The following SOX5 variants were observed in gnomAD, a reference collection of about 807,000 sequenced individuals.
SOX5 encodes transcription factor SOX-5.
SOX5 carries 9 observed loss-of-function variants against 92.0 expected under a neutral mutation model. The ratio of observed to expected loss-of-function variants is 0.10; its 90% CI spans 0.06 to 0.17. The LOEUF (loss-of-function observed/expected upper bound fraction) is 0.17. Ranked by LOEUF, SOX5 falls within the 10% of genes least tolerant of loss-of-function variation. SOX5 has a pLI of 1.00. For missense variants in SOX5, 642 were observed against 944.5 expected (o/e 0.68, Z 4.20); for synonymous variants, 344 against 336.3 (o/e 1.02, Z -0.25).
intron 2 of SOX5, among the ~76,000 whole-genome samples, chr12:24,293,273 A>T (rs568350304): frequency 2.6e-5 from 4 of 152,362 alleles, no homozygotes; most frequent in African/African-American, 9.6e-5. Context: ...ATATGCCCAC[A>T]TGATCACATT....
At chr12:23,824,746 C>T (rs1171639971) in intron 3 of SOX5, among the ~76,000 whole-genome samples, 1 of 152,188 alleles carries the variant, frequency 6.6e-6, no homozygotes, top group Non-Finnish European at 1.5e-5. Flanking sequence ...ATATAAGCCC[C>T]TCGCTGGGCC....
At chr12:23,736,755 A>G (rs2093613621) in intron 5 of SOX5, among the ~76,000 whole-genome samples, 1 of 144,534 alleles carries the variant, frequency 6.9e-6, no homozygotes, top group Admixed American at 7.1e-5. Context: ...CAATGGCGCG[A>G]TCTCAGCTTA....
At position 23,531,931 on chromosome 12, in the gene SOX5, G is replaced by T. The variant is rs931234914; in HGVS notation, c.*2288C>A. The stretch of plus-strand genomic sequence containing the variant: ...TGTGTGTATATGTGTGTATATATAT[G>T]TATATATATATATACATATACATAC... On this transcript the variant is annotated 3_prime_UTR_variant, in exon 15 of 15. Coordinates refer to ENST00000451604, the MANE Select transcript of SOX5 (RefSeq NM_006940.6). The T allele has an allele frequency of 6.7e-6, 1 of 148,154 alleles. No individual in the cohort carries two copies. Among genetic ancestry groups the T allele is most frequent in the East Asian group, 2.0e-4 (1 of 5,082 alleles). 9.2% of individuals were successfully genotyped at this position (148,154 alleles called of 1,614,324 possible).
chr12:23,929,719 C>T (rs547913611), intron 1 of SOX5, among the ~76,000 whole-genome samples: 3 of 151,878 alleles, frequency 2.0e-5, no homozygotes, highest in East Asian at 1.9e-4. Context: ...TTAAAAAATA[C>T]GTGTTTCCAC....
chr12:24,510,131 A>G (rs983713135), intron 1 of SOX5, among the ~76,000 whole-genome samples: 1 of 152,206 alleles, frequency 6.6e-6, no homozygotes, highest in Non-Finnish European at 1.5e-5. Flanking sequence ...TTTTTCTTAA[A>G]TTAATCTCAC....
At chr12:24,295,422 T>C (rs1169593172) in intron 2 of SOX5, among the ~76,000 whole-genome samples, 1 of 152,196 alleles carries the variant, frequency 6.6e-6, no homozygotes, top group Non-Finnish European at 1.5e-5. Flanking sequence ...CCAAACACTT[T>C]AATCCTGACA....
intron 4 of SOX5, among the ~76,000 whole-genome samples, chr12:23,743,196 A>T (rs2141029914): frequency 6.6e-6 from 1 of 152,324 alleles, no homozygotes; most frequent in South Asian, 2.1e-4. Context: ...TTGTATACTC[A>T]CCTCAATGCA....
intron 14 of SOX5, among the ~76,000 whole-genome samples, chr12:23,534,873 C>T (rs1939960824): frequency 6.6e-6 from 1 of 152,034 alleles, no homozygotes; most frequent in Non-Finnish European, 1.5e-5. Flanking sequence ...CCACACCTGG[C>T]TAGCTTTTGT....
chr12:24,209,245 C>T (rs1469264156), intron 4 of SOX5, among the ~76,000 whole-genome samples: 1 of 152,086 alleles, frequency 6.6e-6, no homozygotes, highest in Non-Finnish European at 1.5e-5. Flanking sequence ...GAATTTCCTC[C>T]ACTGTCTGTG....
At chr12:23,853,888 G>C (rs1460499128) in intron 2 of SOX5, among the ~76,000 whole-genome samples, 2 of 152,002 alleles carry the variant, frequency 1.3e-5, no homozygotes, top group Non-Finnish European at 1.5e-5. Context: ...AACCATAAGA[G>C]GTGTCTAAAC....
chr12:24,215,152 T>C (rs1170194187), intron 3 of SOX5, among the ~76,000 whole-genome samples: 1 of 152,120 alleles, frequency 6.6e-6, no homozygotes, highest in Admixed American at 6.5e-5. Flanking sequence ...ACTATAATAC[T>C]TAATGGCAAA....
At chr12:23,825,547 T>C (rs1434037173) in intron 3 of SOX5, among the ~76,000 whole-genome samples, 1 of 152,192 alleles carries the variant, frequency 6.6e-6, no homozygotes, top group African/African-American at 2.4e-5. Flanking sequence ...CCCCTATTAT[T>C]TTTATTTTAT....
intron 2 of SOX5, among the ~76,000 whole-genome samples, chr12:23,848,772 GT>G (rs2096600985): frequency 6.6e-6 from 1 of 152,178 alleles, no homozygotes; most frequent in South Asian, 2.1e-4. Flanking sequence ...ATTTAATCAA[GT>G]TTTGTGAATT....
At chr12:23,678,229 T>C (rs912607382) in intron 6 of SOX5, among the ~76,000 whole-genome samples, 5 of 152,156 alleles carry the variant, frequency 3.3e-5, no homozygotes, top group Admixed American at 1.3e-4. Flanking sequence ...AGAAATATTA[T>C]ACAATCTACC....
At chr12:23,737,223 C>T (rs2093633451) in intron 5 of SOX5, among the ~76,000 whole-genome samples, 1 of 152,090 alleles carries the variant, frequency 6.6e-6, no homozygotes, top group Non-Finnish European at 1.5e-5. Context: ...TCCATTTGCT[C>T]CATTTTGCTC....
intron 4 of SOX5, among the ~76,000 whole-genome samples, chr12:23,742,472 G>C (rs188925321): frequency 6.6e-6 from 1 of 152,068 alleles, no homozygotes; most frequent in Admixed American, 6.6e-5. Flanking sequence ...CTAACTCCAT[G>C]AATAATAGCC....
intron 3 of SOX5, among the ~76,000 whole-genome samples, chr12:23,763,896 A>T (rs2094634339): frequency 6.6e-6 from 1 of 152,110 alleles, no homozygotes; most frequent in Non-Finnish European, 1.5e-5. Context: ...CAGCAAAAAC[A>T]TTTTAACTTT....
At chr12:24,171,374 C>A (rs1954138017) in intron 4 of SOX5, among the ~76,000 whole-genome samples, 1 of 151,662 alleles carries the variant, frequency 6.6e-6, no homozygotes, top group Non-Finnish European at 1.5e-5. Context: ...CAGGCACATG[C>A]CACCGCACCC....
At chr12:23,868,043 T>TCCTCTTTC (rs1335637049) in intron 2 of SOX5, among the ~76,000 whole-genome samples, 1 of 151,580 alleles carries the variant, frequency 6.6e-6, no homozygotes, top group Non-Finnish European at 1.5e-5. Flanking sequence ...TTTTTTCCTT[T>TCCTCTTTC]CCTCTTTCCC....
Sources: gnomAD v4.1 joint callset for allele counts (sites outside exome capture counted in the v4.1 genomes callset) on GRCh38, gnomAD v4.1.1 for gene constraint, MANE v1.5 for transcripts, NCBI Gene and HGNC (gene_info 2026-07-23, HGNC 2026-07-21) for gene names.